The following STXBP5L variants were observed in gnomAD, a reference collection of about 807,000 sequenced individuals.
The protein encoded by STXBP5L is syntaxin-binding protein 5-like.
In STXBP5L, 65 loss-of-function variants were observed where a neutral mutation model predicts 144.5. That is an observed-to-expected ratio of 0.45 (90% CI 0.37 to 0.55). The LOEUF is 0.55. STXBP5L is among the 20% of genes least tolerant of loss of function. STXBP5L has a pLI of 0.00. For synonymous variants in STXBP5L, 505 were observed against 469.6 expected (o/e 1.08, Z -0.97); for missense variants, 1,298 against 1,405.5 (o/e 0.92, Z 1.22).
chr3:121,142,721 A>G (rs1212132981), intron 7 of STXBP5L, among the ~76,000 whole-genome samples: 1 of 151,974 alleles, frequency 6.6e-6, no homozygotes, highest in Non-Finnish European at 1.5e-5. Context: ...AACACACTCT[A>G]CCAAAAATTA....
At chr3:121,216,156 G>A (rs1236675393) in intron 10 of STXBP5L, among the ~76,000 whole-genome samples, 1 of 152,066 alleles carries the variant, frequency 6.6e-6, no homozygotes, top group East Asian at 1.9e-4. Flanking sequence ...TAGCTCAGAG[G>A]ATTTTGTTAT....
intron 3 of STXBP5L, among the ~76,000 whole-genome samples, chr3:120,960,505 A>T (rs1405860592): frequency 6.6e-6 from 1 of 152,224 alleles, no homozygotes; most frequent in African/African-American, 2.4e-5. Flanking sequence ...ACTTGGAACC[A>T]ACCCAAATGT....
chr3:121,341,399 T>C (rs1037649810), intron 20 of STXBP5L, among the ~76,000 whole-genome samples: 1 of 152,008 alleles, frequency 6.6e-6, no homozygotes. Flanking sequence ...CAAGGATGTG[T>C]AGAAAAGCAC....
At chr3:121,007,089 A>T (rs1010333850) in intron 3 of STXBP5L, among the ~76,000 whole-genome samples, 6 of 152,076 alleles carry the variant, frequency 3.9e-5, no homozygotes, top group African/African-American at 1.4e-4. Context: ...GAATTTGAAT[A>T]TTGGCCTGTC....
At chr3:121,386,396 A>ATTAT (rs1467792935) in intron 22 of STXBP5L, among the ~76,000 whole-genome samples, 3 of 151,998 alleles carry the variant, frequency 2.0e-5, no homozygotes, top group East Asian at 3.9e-4. Flanking sequence ...CAATAATTTC[A>ATTAT]TTATTTATTT....
At chr3:121,151,312 A>T (rs1553719255) in intron 7 of STXBP5L, among the ~76,000 whole-genome samples, 1 of 152,128 alleles carries the variant, frequency 6.6e-6, no homozygotes, top group Non-Finnish European at 1.5e-5. Flanking sequence ...AAAAAGCTCA[A>T]TTTTTTGTCA....
At chr3:121,066,614 C>G (rs2041563256) in intron 5 of STXBP5L, among the ~76,000 whole-genome samples, 1 of 151,948 alleles carries the variant, frequency 6.6e-6, no homozygotes, top group South Asian at 2.1e-4. Context: ...GCTGGGTTTG[C>G]TAATATTTTG....
intron 3 of STXBP5L, among the ~76,000 whole-genome samples, chr3:120,982,317 G>A (rs562880570): frequency 2.6e-5 from 4 of 152,292 alleles, no homozygotes; most frequent in African/African-American, 7.2e-5. Flanking sequence ...AAAGCTGGGT[G>A]GAACTGGACA....
chr3:121,034,911 A>T (rs1223543331), intron 3 of STXBP5L, among the ~76,000 whole-genome samples: 1 of 152,042 alleles, frequency 6.6e-6, no homozygotes, highest in Non-Finnish European at 1.5e-5. Context: ...AATAATAGTC[A>T]TTCTGACATA....
chr3:120,989,407 T>G (rs1430791886), intron 3 of STXBP5L, among the ~76,000 whole-genome samples: 1 of 152,194 alleles, frequency 6.6e-6, no homozygotes, highest in East Asian at 1.9e-4. Context: ...TCTTTTCATA[T>G]GTTTATTCGC....
chr3:121,032,405 A>T (rs191959712), intron 3 of STXBP5L, among the ~76,000 whole-genome samples: 1 of 152,256 alleles, frequency 6.6e-6, no homozygotes, highest in Non-Finnish European at 1.5e-5. Context: ...AGCTACTAGA[A>T]AGTTGTTATT....
intron 13 of STXBP5L, 124 bp from the exon 14 acceptor site, chr3:121,240,316 T>TC: frequency 1.2e-6 from 1 of 807,820 alleles, no homozygotes; most frequent in Non-Finnish European, 1.9e-6. Context: ...CACACTTCAT[T>TC]CTTGATGATT....
chr3:121,403,145 T>A (rs1304341930), intron 22 of STXBP5L, among the ~76,000 whole-genome samples: 1 of 152,160 alleles, frequency 6.6e-6, no homozygotes, highest in East Asian at 1.9e-4. Flanking sequence ...CCAACCTATC[T>A]GCTTGTATCT....
intron 8 of STXBP5L, among the ~76,000 whole-genome samples, chr3:121,153,560 G>C (rs555403351): frequency 6.6e-6 from 1 of 151,870 alleles, no homozygotes; most frequent in Non-Finnish European, 1.5e-5. Flanking sequence ...GATAAAAAAA[G>C]TCTCCAGATG....
intron 3 of STXBP5L, among the ~76,000 whole-genome samples, chr3:120,967,077 G>A (rs1939668934): frequency 6.6e-6 from 1 of 152,070 alleles, no homozygotes; most frequent in Non-Finnish European, 1.5e-5. Flanking sequence ...CAGTGAGCAA[G>A]GCTCAGTGGG....
At chr3:121,033,712 A>G (rs1380340170) in intron 3 of STXBP5L, among the ~76,000 whole-genome samples, 4 of 152,080 alleles carry the variant, frequency 2.6e-5, no homozygotes, top group Non-Finnish European at 5.9e-5. Flanking sequence ...TAACTGCTAT[A>G]TATTCTTATA....
chr3:121,293,994 T>C (rs1303160868), intron 19 of STXBP5L, among the ~76,000 whole-genome samples: 1 of 152,168 alleles, frequency 6.6e-6, no homozygotes, highest in African/African-American at 2.4e-5. Flanking sequence ...AAGATTTTGT[T>C]GTAGAGATGA....
chr3:121,172,396 G>A (rs919412760), intron 9 of STXBP5L, among the ~76,000 whole-genome samples: 42 of 152,258 alleles, frequency 2.8e-4, no homozygotes, highest in Non-Finnish European at 1.9e-4. Context: ...GAGTGGACAG[G>A]CAACCTACAG....
intron 5 of STXBP5L, among the ~76,000 whole-genome samples, chr3:121,058,649 C>A (rs1045455115): frequency 6.6e-6 from 1 of 152,168 alleles, no homozygotes; most frequent in East Asian, 1.9e-4. Context: ...TGTTTCCTGA[C>A]TTTTTAATCA....
Sources: allele counts gnomAD v4.1 joint callset (sites outside exome capture counted in the v4.1 genomes callset), GRCh38; gene constraint gnomAD v4.1.1; transcripts MANE v1.5; gene names NCBI Gene and HGNC (gene_info 2026-07-23, HGNC 2026-07-21).